Variants in PCDHGA11 observed in about 807,000 individuals in gnomAD.
PCDHGA11 encodes the protein protocadherin gamma subfamily A, 11.
Under a neutral mutation model 60.4 loss-of-function variants are expected in PCDHGA11, and 39 were observed. That is an observed-to-expected ratio of 0.65 (90% confidence interval 0.50 to 0.84). The LOEUF is 0.84. Ranked by LOEUF, PCDHGA11 falls within the 40% of genes least tolerant of loss-of-function variation. The probability of loss-of-function intolerance (pLI) is 0.00; values close to 1 mark genes in which losing one functional copy is unlikely to be tolerated. For missense variants in PCDHGA11, 1,165 were observed against 1,197.7 expected (o/e 0.97, Z 0.40); for synonymous variants, 533 against 510.3 (o/e 1.04, Z -0.60).
intron 1 of PCDHGA11, chr5:141,478,694 T>G: frequency 1.3e-6 from 2 of 1,550,598 alleles, no homozygotes; most frequent in Non-Finnish European, 1.7e-6. Context: ...TAGATCAAAG[T>G]TAGTGCCTTT....
chr5:141,491,379 A>G lies in PCDHGA11; in HGVS notation c.2434-3428A>G, dbSNP rs140150079. 423 of 1,613,968 alleles carry G rather than the reference A, an allele frequency of 2.6e-4. No homozygotes were observed. Among genetic ancestry groups the G allele is most frequent in the Non-Finnish European group, 3.0e-4 (359 of 1,179,986 alleles). On this transcript the variant is annotated intron_variant, in intron 1 of 3. Transcript: ENST00000398587. The surrounding 1 kb of genome is among the most constrained non-coding windows in gnomAD (Gnocchi z 6.9). ...CCCTAGTCACCTTCACCTTTCTGTC[A>G]GCGAAGTGCCTTCAGGGAAACGCAG...
In PCDHGA11 at chr5:141,422,616, C is replaced by T; in HGVS notation, c.1389C>T (p.Pro463=). The stretch of plus-strand genomic sequence containing the variant: ...ACTCCTCTTACTCTGCCTACATTCC[C>T]GAAAACAACCCCAGGGGTGCCTCCA... ...FPHSSYSAYI[P]ENNPRGASIF... is the part of the protein sequence containing the mutation. The change falls in exon 1 of 4, where the codon CCC becomes CCT. Residue 463 remains proline (P), a synonymous_variant. Transcript: ENST00000398587. 1 of 1,613,714 alleles carries T rather than the reference C, an allele frequency of 6.2e-7. No homozygotes were observed.
intron 1 of PCDHGA11, chr5:141,427,957 C>G (rs770633827): frequency 1.3e-5 from 20 of 1,588,284 alleles, no homozygotes; most frequent in African/African-American, 2.7e-5. Flanking sequence ...GACAATGTGC[C>G]GCGGGTGCTG....
chr5:141,477,932 C>G lies in PCDHGA11; in HGVS notation c.2434-16875C>G, dbSNP rs1193822505. The G allele has an allele frequency of 3.1e-6, 5 of 1,614,040 alleles. No individual in the cohort carries two copies. The highest frequency in any genetic ancestry group is 4.2e-6 in the Non-Finnish European group (5 of 1,180,042). On this transcript the variant is annotated intron_variant, in intron 1 of 3. Transcript: ENST00000398587. This position sits in a 1 kb window ranked among gnomAD's most constrained non-coding sequence, Gnocchi z 4.9. ...CGCGGATGCAGGGCACAATGCCTGG[C>G]TCTCCTACAGTCTCTTGGGATCCCC... is the stretch of plus-strand genomic sequence containing the variant.
chr5:141,440,451 A>G (rs2098179077), intron 1 of PCDHGA11: 1 of 152,230 alleles, frequency 6.6e-6, no homozygotes, highest in Non-Finnish European at 1.5e-5. Flanking sequence ...CATCTCAAAA[A>G]AAATGAACAA....
intron 1 of PCDHGA11, chr5:141,430,941 A>G: frequency 6.2e-7 from 1 of 1,608,258 alleles, no homozygotes; most frequent in Non-Finnish European, 8.5e-7. Context: ...GAGCTCGCGG[A>G]GCGCGGAGTC....
In PCDHGA11 at chr5:141,432,690, T is replaced by A. The variant is rs764124373; in HGVS notation, c.2433+9030T>A. 5.0e-6 allele frequency: 8 copies of A among 1,613,854 alleles called. No individual in the cohort carries two copies. The highest frequency in any genetic ancestry group is 2.7e-5 in the African/African-American group (2 of 74,940). ...GACGCGCTCAAGCAGAGCCTCGTAGTGGCCGTCCAGGACCACGGCCAGCCC... is the reference window on the plus strand; with the variant it reads ...GACGCGCTCAAGCAGAGCCTCGTAGAGGCCGTCCAGGACCACGGCCAGCCC... On this transcript the variant is annotated intron_variant, in intron 1 of 3. Coordinates refer to ENST00000398587, the MANE Select transcript of PCDHGA11 (RefSeq NM_018914.3). This position sits in a 1 kb window ranked among gnomAD's most constrained non-coding sequence, Gnocchi z 6.0.
rs553104661 is a variant in PCDHGA11 at position 141,460,009 on chromosome 5, C to T, written c.2434-34798C>T. ...AGGAGAATCGCTTGAACCCAGGAGG[C>T]GGAGGTTGCAGTGAGCCGAGACTGC... On this transcript the variant is annotated intron_variant, in intron 1 of 3. Coordinates refer to ENST00000398587, the MANE Select transcript of PCDHGA11 (RefSeq NM_018914.3). 9.9e-4 allele frequency among the ~76,000 whole-genome samples: 150 copies of T among 152,212 alleles called. 1 individual carries two copies. The highest frequency in any genetic ancestry group is 3.4e-3 in the Middle Eastern group (1 of 294).
rs2099686717 is a variant in PCDHGA11, at chr5:141,489,403, A to C, written c.2434-5404A>C. The C allele has an allele frequency of 6.2e-7, 1 of 1,614,172 alleles. No homozygotes were observed. Among genetic ancestry groups the C allele is most frequent in the East Asian group, 2.2e-5 (1 of 44,884 alleles). On this transcript the variant is annotated intron_variant, in intron 1 of 3. Coordinates refer to ENST00000398587, the MANE Select transcript of PCDHGA11 (RefSeq NM_018914.3). The surrounding 1 kb of genome is among the most constrained non-coding windows in gnomAD (Gnocchi z 4.5). ...GAATGTTGCTCAGGATCTGGGCTTA[A>C]AGATGACAGATCTGTTGAGCCGGCG...
At chr5:141,494,638 A>G (rs2099755799) in intron 1 of PCDHGA11, 169 bp from the exon 2 acceptor site, 1 of 896,388 alleles carries the variant, frequency 1.1e-6, no homozygotes, top group African/African-American at 1.8e-5. Context: ...GACCTCTGAG[A>G]CCTGAGGTGT....
chr5:141,447,136 T>TTTTTTG (rs1304915683), intron 1 of PCDHGA11, among the ~76,000 whole-genome samples: 1 of 152,090 alleles, frequency 6.6e-6, no homozygotes, highest in Non-Finnish European at 1.5e-5. Context: ...TGTTTGTTTG[T>TTTTTTG]TTTTTGTTTT....
At chr5:141,469,893 A>G (rs2099214569) in intron 1 of PCDHGA11, among the ~76,000 whole-genome samples, 1 of 152,200 alleles carries the variant, frequency 6.6e-6, no homozygotes, top group South Asian at 2.1e-4. Context: ...CACTTTGGGA[A>G]GCCGAGGCAG....
At chr5:141,445,118 G>A (rs964726987) in intron 1 of PCDHGA11, among the ~76,000 whole-genome samples, 1 of 152,148 alleles carries the variant, frequency 6.6e-6, no homozygotes, top group Non-Finnish European at 1.5e-5. Flanking sequence ...ATTGTAAATA[G>A]TATTTTTAAA....
chr5:141,482,981 AGG>A (rs2099575420), intron 1 of PCDHGA11, among the ~76,000 whole-genome samples: 1 of 150,250 alleles, frequency 6.7e-6, no homozygotes, highest in African/African-American at 2.5e-5. Context: ...GCTACTTGAG[AGG>A]TCGAGGCAGG....
intron 1 of PCDHGA11, chr5:141,441,743 C>G (rs1298220876): frequency 2.7e-6 from 1 of 367,284 alleles, no homozygotes; most frequent in Non-Finnish European, 5.4e-6. Flanking sequence ...AGCTCGCGCT[C>G]GGCGTCAACG....
At chr5:141,495,277 G>A (rs2099760037) in intron 2 of PCDHGA11, among the ~76,000 whole-genome samples, 1 of 152,168 alleles carries the variant, frequency 6.6e-6, no homozygotes, top group African/African-American at 2.4e-5. Context: ...ACCGGAGGAG[G>A]CGGTCCGCAC....
chr5:141,491,311 A>G lies in PCDHGA11; in HGVS notation c.2434-3496A>G. On this transcript the variant is annotated intron_variant, in intron 1 of 3. Transcript: ENST00000398587. This position sits in a 1 kb window ranked among gnomAD's most constrained non-coding sequence, Gnocchi z 6.9. The stretch of plus-strand genomic sequence containing the variant: ...ACACCCTCCTGAGCGTTCAGACCTT[A>G]CCCTTTACCTCATTGTGGCTCTAGC... 1 of 1,613,932 alleles carries G rather than the reference A, an allele frequency of 6.2e-7. No homozygotes were observed. Among genetic ancestry groups the G allele is most frequent in the Non-Finnish European group, 8.5e-7 (1 of 1,179,940 alleles).
At chr5:141,473,808 C>G (rs1562041705) in intron 1 of PCDHGA11, among the ~76,000 whole-genome samples, 1 of 152,198 alleles carries the variant, frequency 6.6e-6, no homozygotes, top group Non-Finnish European at 1.5e-5. Flanking sequence ...TACTGAGGAG[C>G]AGCTGGACAA....
In PCDHGA11 at chr5:141,431,628, A is replaced by C. The variant is rs1204083567; in HGVS notation, c.2433+7968A>C. Reference sequence around the variant, plus strand: ...CGGTATGTGGACGACAAGGCGGCCCAAGTTTTCAAACTAGATTGTAATTCA... The same window carrying C: ...CGGTATGTGGACGACAAGGCGGCCCCAGTTTTCAAACTAGATTGTAATTCA... On this transcript the variant is annotated intron_variant, in intron 1 of 3. Coordinates refer to ENST00000398587, the MANE Select transcript of PCDHGA11 (RefSeq NM_018914.3). The surrounding 1 kb of genome is among the most constrained non-coding windows in gnomAD (Gnocchi z 4.8). 1 of 1,614,256 alleles carries C rather than the reference A, an allele frequency of 6.2e-7. No individual in the cohort carries two copies. The highest frequency in any genetic ancestry group is 8.5e-7 in the Non-Finnish European group (1 of 1,180,050).
Sources: allele counts gnomAD v4.1 joint callset (sites outside exome capture counted in the v4.1 genomes callset), GRCh38; gene constraint gnomAD v4.1.1; non-coding constraint Gnocchi (gnomAD v3.1); transcripts MANE v1.5; gene names NCBI Gene and HGNC (gene_info 2026-07-23, HGNC 2026-07-21).